MARCHF1: variants seen among roughly 807,000 people sequenced by gnomAD.
The protein encoded by MARCHF1 is E3 ubiquitin-protein ligase MARCHF1.
In MARCHF1, 40 loss-of-function variants were observed where a neutral mutation model predicts 54.2. The ratio of observed to expected loss-of-function variants is 0.74; its 90% CI spans 0.57 to 0.96. The LOEUF (loss-of-function observed/expected upper bound fraction) is 0.96. Among genes scored for constraint, MARCHF1 ranks in the 40% least tolerant of loss-of-function variants. The probability of loss-of-function intolerance (pLI) is 0.00; values close to 1 mark genes in which losing one functional copy is unlikely to be tolerated. For synonymous variants in MARCHF1, 236 were observed against 236.3 expected (o/e 1.00, Z 0.01); for missense variants, 586 against 656.5 (o/e 0.89, Z 1.17).
At chr4:164,309,776 G>A (rs189092703) in intron 1 of MARCHF1, among the ~76,000 whole-genome samples, 1 of 151,918 alleles carries the variant, frequency 6.6e-6, no homozygotes, top group Non-Finnish European at 1.5e-5. Flanking sequence ...AAACATTAAG[G>A]GCAAAAGGAC....
At chr4:164,151,790 C>G (rs1075672) in intron 1 of MARCHF1, among the ~76,000 whole-genome samples, 2 of 151,866 alleles carry the variant, frequency 1.3e-5, no homozygotes, top group Admixed American at 6.6e-5. Context: ...ACGCCCCCCC[C>G]AAAAAAATAT....
intron 1 of MARCHF1, among the ~76,000 whole-genome samples, chr4:164,300,548 G>GTTGT (rs200736391): frequency 2.0e-5 from 3 of 152,052 alleles, no homozygotes; most frequent in Admixed American, 6.6e-5. Flanking sequence ...ATACTAGTTA[G>GTTGT]TTGTTTGTTT....
Position 163,852,071 on chromosome 4 carries a change from A to G in MARCHF1, c.111+1950T>C, listed in dbSNP as rs148060683. Among the ~76,000 whole-genome samples the G allele has an allele frequency of 5.4e-3, 825 of 152,304 alleles. 10 individuals carry two copies. Among genetic ancestry groups the G allele is most frequent in the African/African-American group, 0.019 (790 of 41,576 alleles). ...TGGATTTAATTCCATTGGTAACTTGATATCTTTTTCTTTATATTAAAATTA... is the reference window on the plus strand; with the variant it reads ...TGGATTTAATTCCATTGGTAACTTGGTATCTTTTTCTTTATATTAAAATTA... On this transcript the variant is annotated intron_variant, in intron 4 of 9. Coordinates refer to ENST00000514618, the MANE Select transcript of MARCHF1 (RefSeq NM_001394959.1).
intron 2 of MARCHF1, among the ~76,000 whole-genome samples, chr4:164,086,832 T>G (rs1158574487): frequency 1.3e-5 from 2 of 152,072 alleles, no homozygotes; most frequent in Non-Finnish European, 2.9e-5. Context: ...AGAAGATAGA[T>G]GGTGTCTTGA....
At chr4:164,037,636 A>G (rs781762808) in intron 2 of MARCHF1, among the ~76,000 whole-genome samples, 2 of 152,056 alleles carry the variant, frequency 1.3e-5, no homozygotes, top group Non-Finnish European at 2.9e-5. Context: ...ATTATACACC[A>G]CTCTTTAAGT....
intron 4 of MARCHF1, among the ~76,000 whole-genome samples, chr4:163,788,746 C>CT (rs1436950446): frequency 6.6e-6 from 1 of 151,958 alleles, no homozygotes; most frequent in Non-Finnish European, 1.5e-5. Context: ...GGTAAGGTGG[C>CT]ATCTGACAGC....
intron 4 of MARCHF1, among the ~76,000 whole-genome samples, chr4:163,757,646 C>CA (rs1479639020): frequency 6.6e-6 from 1 of 152,066 alleles, no homozygotes; most frequent in East Asian, 1.9e-4. Flanking sequence ...ATAGAAACAC[C>CA]ATAGAAACAC....
At position 164,144,316 on chromosome 4, in the gene MARCHF1, G is replaced by C. The variant is rs1057255702; in HGVS notation, c.-322-32654C>G. The stretch of plus-strand genomic sequence containing the variant: ...GAATTGAACTCAGCTCTGCACCAAG[G>C]GGACCTAATAGACATCTACAGAACT... On this transcript the variant is annotated intron_variant, in intron 1 of 9. Transcript: ENST00000514618. Among the ~76,000 whole-genome samples the C allele has an allele frequency of 1.3e-3, 203 of 151,114 alleles. 2 individuals are homozygous for C. The highest frequency in any genetic ancestry group is 4.6e-3 in the African/African-American group (186 of 40,790).
At chr4:164,239,749 T>C (rs552520339) in intron 1 of MARCHF1, among the ~76,000 whole-genome samples, 2 of 152,164 alleles carry the variant, frequency 1.3e-5, no homozygotes, top group Non-Finnish European at 2.9e-5. Context: ...TCTCAAAAAC[T>C]TGAACACTCA....
chr4:163,711,955 A>G (rs1166268457), intron 4 of MARCHF1, among the ~76,000 whole-genome samples: 2 of 152,148 alleles, frequency 1.3e-5, no homozygotes, highest in Non-Finnish European at 2.9e-5. Flanking sequence ...TTGTCACATT[A>G]ATATCTTAGA....
intron 1 of MARCHF1, among the ~76,000 whole-genome samples, chr4:164,231,415 T>C (rs185796390): frequency 6.6e-5 from 10 of 152,226 alleles, no homozygotes; most frequent in African/African-American, 2.2e-4. Flanking sequence ...TCTTGATAGG[T>C]TATAATCTTT....
At chr4:164,281,510 C>T (rs2321378) in intron 1 of MARCHF1, among the ~76,000 whole-genome samples, 149,025 of 152,164 alleles carry the variant, frequency 0.98, 72,991 homozygotes, top group East Asian at 1. Context: ...CTAAGTGTTA[C>T]CCAAAAACAG....
intron 3 of MARCHF1, among the ~76,000 whole-genome samples, chr4:163,872,272 A>C (rs1318562086): frequency 6.6e-6 from 1 of 152,206 alleles, no homozygotes. Flanking sequence ...TGCCTGCCCA[A>C]AGGGAAGGCA....
chr4:163,671,880 T>C (rs1201323019), intron 5 of MARCHF1, among the ~76,000 whole-genome samples: 1 of 152,076 alleles, frequency 6.6e-6, no homozygotes, highest in African/African-American at 2.4e-5. Context: ...GTTCTAAAGA[T>C]TATCTCAACA....
chr4:164,031,423 A>AT (rs200100493), intron 2 of MARCHF1, among the ~76,000 whole-genome samples: 1,730 of 101,314 alleles, frequency 0.017, 20 homozygotes, highest in African/African-American at 0.04. Flanking sequence ...CTATTATATT[A>AT]TTTTTTTTTC....
rs62334283 is a variant in MARCHF1, at chr4:163,632,658, C to T, written c.163-19265G>A. On this transcript the variant is annotated intron_variant, in intron 5 of 9. Transcript: ENST00000514618. ...CTGAGATCAAACTGCAAGGCGGCAG[C>T]GAGGCTGGGGGAGGGGCGCCCACCA... 4.7e-3 allele frequency among the ~76,000 whole-genome samples: 709 copies of T among 152,296 alleles called. 3 individuals are homozygous for T. The highest frequency in any genetic ancestry group is 0.027 in the Middle Eastern group (8 of 294).
At chr4:164,307,667 T>C (rs967844554) in intron 1 of MARCHF1, among the ~76,000 whole-genome samples, 3 of 152,244 alleles carry the variant, frequency 2.0e-5, no homozygotes, top group African/African-American at 7.2e-5. Flanking sequence ...CTCTTGTGGA[T>C]TGTCACCCTC....
At chr4:163,932,570 C>T in intron 3 of MARCHF1, 2 of 373,356 alleles carry the variant, frequency 5.4e-6, no homozygotes, top group Non-Finnish European at 1.1e-5. Context: ...TAGCTGAGTG[C>T]TATGATGACA....
At chr4:163,591,068 A>T (rs887186989) in intron 7 of MARCHF1, among the ~76,000 whole-genome samples, 1 of 151,488 alleles carries the variant, frequency 6.6e-6, no homozygotes, top group Non-Finnish European at 1.5e-5. Flanking sequence ...ATTTCATATG[A>T]TTATTAATTA....
Sources: allele counts gnomAD v4.1 joint callset (sites outside exome capture counted in the v4.1 genomes callset), GRCh38; gene constraint gnomAD v4.1.1; transcripts MANE v1.5; gene names NCBI Gene and HGNC (gene_info 2026-07-23, HGNC 2026-07-21).